The following DCLK1 variants were observed in gnomAD, a reference collection of about 807,000 sequenced individuals.
The protein encoded by DCLK1 is doublecortin like kinase 1, also known as serine/threonine-protein kinase DCLK1.
Under a neutral mutation model 86.2 loss-of-function variants are expected in DCLK1, and 16 were observed. The observed-to-expected ratio is 0.19, with a 90% CI of 0.13 to 0.28. The LOEUF is 0.28. Among genes scored for constraint, DCLK1 ranks in the 10% least tolerant of loss-of-function variants. The pLI, the probability that DCLK1 is intolerant of heterozygous loss-of-function variation, is 1.00. For synonymous variants in DCLK1, 369 were observed against 370.5 expected (o/e 1.00, Z 0.05); for missense variants, 590 against 940.2 (o/e 0.63, Z 4.87).
rs115400882 is a variant in DCLK1 at position 35,827,044 on chromosome 13, C to T, written c.1407+591G>A. On this transcript the variant is annotated intron_variant, in intron 10 of 16. Coordinates refer to ENST00000360631, the MANE Select transcript of DCLK1 (RefSeq NM_001330071.2). ...AGAGAACAGGTAAGAGACCTTTCAT[C>T]TCCATTCAACCGTCATCAACAATTG... is the stretch of plus-strand genomic sequence containing the variant. Among the ~76,000 whole-genome samples the T allele has an allele frequency of 4.1e-3, 624 of 152,318 alleles. 2 individuals are homozygous for T. The highest frequency in any genetic ancestry group is 0.015 in the African/African-American group (608 of 41,582).
chr13:35,835,170 G>A (rs138546599), intron 8 of DCLK1, among the ~76,000 whole-genome samples: 18 of 152,208 alleles, frequency 1.2e-4, no homozygotes, highest in African/African-American at 3.9e-4. Context: ...TGTGATTCTC[G>A]GAGGATTAAG....
chr13:35,771,049 G>T lies in DCLK1; in HGVS notation c.*3486C>A, dbSNP rs981231452. ...TATTAAGAAAGCTCTCCCTCAGCAC[G>T]ATTGAGCTTCAGCGCAAGGGATAGA... is the stretch of plus-strand genomic sequence containing the variant. On this transcript the variant is annotated 3_prime_UTR_variant, in exon 17 of 17. Transcript: ENST00000360631. The T allele has an allele frequency of 6.6e-6, 1 of 152,214 alleles. No homozygotes were observed. The highest frequency in any genetic ancestry group is 2.4e-5 in the African/African-American group (1 of 41,456). 9.4% of individuals were successfully genotyped at this position (152,214 alleles called of 1,614,324 possible).
At chr13:36,015,359 T>C (rs1881499745) in intron 3 of DCLK1, among the ~76,000 whole-genome samples, 1 of 152,144 alleles carries the variant, frequency 6.6e-6, no homozygotes, top group South Asian at 2.1e-4. Context: ...TGTTTTGCAG[T>C]AAAACCTGGG....
intron 3 of DCLK1, among the ~76,000 whole-genome samples, chr13:36,004,928 G>A (rs182037091): frequency 2.6e-5 from 4 of 152,236 alleles, no homozygotes; most frequent in African/African-American, 9.6e-5. Context: ...TGTCTACTGT[G>A]TGTCAAATGC....
intron 4 of DCLK1, among the ~76,000 whole-genome samples, chr13:35,890,901 G>A (rs1202934821): frequency 8.3e-6 from 1 of 120,176 alleles, no homozygotes; most frequent in African/African-American, 3.0e-5. Flanking sequence ...CACCTTTATT[G>A]ATTAGCAAAT....
At chr13:35,836,678 G>A (rs113157170) in intron 7 of DCLK1, among the ~76,000 whole-genome samples, 165 of 152,234 alleles carry the variant, frequency 1.1e-3, no homozygotes, top group African/African-American at 3.7e-3. Flanking sequence ...CGGTATCAAC[G>A]AGCAGACTTT....
intron 16 of DCLK1, among the ~76,000 whole-genome samples, chr13:35,789,531 A>T (rs1487849395): frequency 6.6e-6 from 1 of 152,198 alleles, no homozygotes; most frequent in African/African-American, 2.4e-5. Context: ...GCAAAGTGTC[A>T]TATAACAGGT....
At chr13:36,075,195 T>C (rs904152594) in intron 3 of DCLK1, among the ~76,000 whole-genome samples, 2 of 152,204 alleles carry the variant, frequency 1.3e-5, no homozygotes, top group African/African-American at 4.8e-5. Context: ...TGAAGAATAT[T>C]TTCAGAATCA....
chr13:35,802,930 A>G (rs536744948), intron 15 of DCLK1, among the ~76,000 whole-genome samples: 1 of 152,194 alleles, frequency 6.6e-6, no homozygotes, highest in African/African-American at 2.4e-5. Flanking sequence ...CTCCCCGCAC[A>G]GCTAAGAAAA....
chr13:35,800,574 G>A (rs75196255), intron 15 of DCLK1, among the ~76,000 whole-genome samples: 3,853 of 152,340 alleles, frequency 0.025, 81 homozygotes, highest in Admixed American at 0.064. Context: ...GACCCAGGAC[G>A]TGTGAAAAAT....
At chr13:36,105,991 C>A (rs1328317262) in intron 3 of DCLK1, among the ~76,000 whole-genome samples, 1 of 152,178 alleles carries the variant, frequency 6.6e-6, no homozygotes, top group African/African-American at 2.4e-5. Context: ...GACTTGTAAA[C>A]GTCCCCCAAA....
intron 10 of DCLK1, among the ~76,000 whole-genome samples, chr13:35,827,360 C>T (rs1209277674): frequency 6.6e-6 from 1 of 152,220 alleles, no homozygotes; most frequent in Non-Finnish European, 1.5e-5. Flanking sequence ...TTCATCCCCA[C>T]AATAACACCA....
intron 3 of DCLK1, among the ~76,000 whole-genome samples, chr13:36,083,714 A>G (rs1277885272): frequency 1.3e-5 from 2 of 152,180 alleles, no homozygotes; most frequent in Non-Finnish European, 2.9e-5. Context: ...CATTTTTTAA[A>G]AATTTCAACA....
At chr13:36,028,303 A>G (rs1341400600) in intron 3 of DCLK1, among the ~76,000 whole-genome samples, 1 of 152,198 alleles carries the variant, frequency 6.6e-6, no homozygotes, top group Non-Finnish European at 1.5e-5. Context: ...AGTCCAAAAC[A>G]GAGATTCTGT....
intron 16 of DCLK1, chr13:35,787,745 C>T (rs189797734): frequency 5.6e-6 from 1 of 177,626 alleles, no homozygotes; most frequent in Non-Finnish European, 1.2e-5. Context: ...CTTTGAGGCG[C>T]TTCTACTACT....
At chr13:35,885,761 T>A (rs1267044120) in intron 4 of DCLK1, among the ~76,000 whole-genome samples, 1 of 152,194 alleles carries the variant, frequency 6.6e-6, no homozygotes, top group East Asian at 1.9e-4. Flanking sequence ...TGATTTGTCA[T>A]CTAAAAATGA....
chr13:35,932,620 C>T (rs970209942), intron 4 of DCLK1, among the ~76,000 whole-genome samples: 1 of 152,256 alleles, frequency 6.6e-6, no homozygotes, highest in South Asian at 2.1e-4. Flanking sequence ...GAGGAAGATG[C>T]AAAAGTGGAA....
In DCLK1 at chr13:35,773,511, C is replaced by T. The variant is rs2086369466; in HGVS notation, c.*1024G>A. On this transcript the variant is annotated 3_prime_UTR_variant, in exon 17 of 17. Transcript: ENST00000360631. ...ATCTTGCAAAGCAACTGCCTCCAGT[C>T]CCCTTGTGCCCCAGCTCTCCTATGT... The T allele has an allele frequency of 6.6e-6, 1 of 151,698 alleles. No homozygotes were observed. The highest frequency in any genetic ancestry group is 2.4e-5 in the African/African-American group (1 of 41,076). 9.4% of individuals were successfully genotyped at this position (151,698 alleles called of 1,614,324 possible). A position where few individuals can be genotyped will look rare whatever the true frequency, so the allele number is the denominator to read the frequency against.
intron 3 of DCLK1, among the ~76,000 whole-genome samples, chr13:36,050,545 T>C (rs972826309): frequency 5.9e-5 from 9 of 152,168 alleles, no homozygotes; most frequent in Non-Finnish European, 1.3e-4. Flanking sequence ...AGAATCCCAA[T>C]GCCAATTCCC....
Sources: allele counts gnomAD v4.1 joint callset (sites outside exome capture counted in the v4.1 genomes callset), GRCh38; gene constraint gnomAD v4.1.1; transcripts MANE v1.5; gene names NCBI Gene and HGNC (gene_info 2026-07-23, HGNC 2026-07-21).